The following LMO3 variants were observed in gnomAD, a reference collection of about 807,000 sequenced individuals.
The protein encoded by LMO3 is LIM domain only 3, also known as LIM domain only protein 3.
A neutral mutation model predicts 15.8 loss-of-function variants in LMO3; 2 were observed. That is an observed-to-expected ratio of 0.13 (90% CI 0.05 to 0.40). LMO3 has a LOEUF of 0.40. LMO3 is among the 10% of genes least tolerant of loss of function. LMO3 has a pLI of 0.99. For missense variants in LMO3, 86 were observed against 182.2 expected (o/e 0.47, Z 3.04); for synonymous variants, 62 against 63.8 (o/e 0.97, Z 0.13).
At position 16,599,684 on chromosome 12, in the gene LMO3, A is replaced by G. The variant is rs1188128758; in HGVS notation, c.206+971T>C. ...TAATTTGATAGATCCTACTTTATTA[A>G]TATAAGTAATTTGCAGCTGAAGTAA... On this transcript the variant is annotated intron_variant, in intron 2 of 3. Coordinates refer to ENST00000537304, the MANE Select transcript of LMO3 (RefSeq NM_018640.5). The surrounding 1 kb of genome is among the most constrained non-coding windows in gnomAD (Gnocchi z 4.1). 1 of 152,226 alleles carries G rather than the reference A, an allele frequency of 6.6e-6. No homozygotes were observed. The highest frequency in any genetic ancestry group is 6.5e-5 in the Admixed American group (1 of 15,282). The allele number at this position is 152,226 out of a possible 1,614,324, so 9.4% of individuals were successfully genotyped here.
At chr12:16,572,707 A>G (rs949335170) in intron 2 of LMO3, among the ~76,000 whole-genome samples, 11 of 148,044 alleles carry the variant, frequency 7.4e-5, no homozygotes, top group Non-Finnish European at 1.2e-4. Flanking sequence ...TATATTATAT[A>G]TAATTTAAAT....
intron 2 of LMO3, among the ~76,000 whole-genome samples, chr12:16,565,418 A>G (rs959584577): frequency 6.6e-6 from 1 of 152,192 alleles, no homozygotes; most frequent in African/African-American, 2.4e-5. Context: ...TAAACATTCA[A>G]TTCTTTTGTT....
At chr12:16,605,921 G>A (rs1943980932) in intron 1 of LMO3, 145 bp downstream of exon 1, 4 of 1,236,664 alleles carry the variant, frequency 3.2e-6, no homozygotes, top group South Asian at 2.6e-5. Flanking sequence ...GTTGCAGTGC[G>A]GAGCTGGGTT....
rs1007242994 is a variant in LMO3 at position 16,597,679 on chromosome 12, T to G, written c.206+2976A>C. On this transcript the variant is annotated intron_variant, in intron 2 of 3. Transcript: ENST00000537304. This position sits in a 1 kb window ranked among gnomAD's most constrained non-coding sequence, Gnocchi z 5.0. ...TTATTCTTACTTATGTTCTTAATAA[T>G]TTAGACATGAAATATAAATATGTAA... 2 of 151,942 alleles carry G rather than the reference T, an allele frequency of 1.3e-5. No homozygotes were observed. Among genetic ancestry groups the G allele is most frequent in the Non-Finnish European group, 2.9e-5 (2 of 67,842 alleles). 9.4% of individuals were successfully genotyped at this position (151,942 alleles called of 1,614,324 possible).
chr12:16,582,744 G>A lies in LMO3; in HGVS notation c.206+17911C>T, dbSNP rs770729533. Among the ~76,000 whole-genome samples the A allele has an allele frequency of 6.6e-6, 1 of 152,062 alleles. No individual in the cohort carries two copies. The highest frequency in any genetic ancestry group is 6.6e-5 in the Admixed American group (1 of 15,256). On this transcript the variant is annotated intron_variant, in intron 2 of 3. Coordinates refer to ENST00000537304, the MANE Select transcript of LMO3 (RefSeq NM_018640.5). The surrounding 1 kb of genome is among the most constrained non-coding windows in gnomAD (Gnocchi z 4.1). ...TTTAAGTATCTGATTGGGATGAGAC[G>A]CCCAGAAAAGAATCAGAACTAGGCC... is the stretch of plus-strand genomic sequence containing the variant.
intron 3 of LMO3, among the ~76,000 whole-genome samples, chr12:16,557,105 T>C (rs900860162): frequency 3.9e-5 from 6 of 152,192 alleles, no homozygotes; most frequent in East Asian, 1.9e-4. Flanking sequence ...AAAATAGATA[T>C]ATGATTTGTA....
At position 16,559,949 on chromosome 12, in the gene LMO3, G is replaced by T. The variant is rs1234035209; in HGVS notation, c.332+464C>A. ...CGCTCTAGGCTGGGTGACAGAACCA[G>T]ACCTTGTATTTAAAAAAGCAAAAAC... is the stretch of plus-strand genomic sequence containing the variant. On this transcript the variant is annotated intron_variant, in intron 3 of 3. Transcript: ENST00000537304. This position sits in a 1 kb window ranked among gnomAD's most constrained non-coding sequence, Gnocchi z 4.1. Among the ~76,000 whole-genome samples the T allele has an allele frequency of 1.3e-5, 2 of 151,954 alleles. No homozygotes were observed. The highest frequency in any genetic ancestry group is 6.6e-5 in the Admixed American group (1 of 15,250).
chr12:16,579,250 A>G (rs925238029), intron 2 of LMO3, among the ~76,000 whole-genome samples: 3 of 152,202 alleles, frequency 2.0e-5, no homozygotes, highest in Non-Finnish European at 4.4e-5. Context: ...CTGTTTTCCA[A>G]TAGAATTAGG....
intron 2 of LMO3, among the ~76,000 whole-genome samples, chr12:16,595,674 T>C (rs1345486151): frequency 6.6e-6 from 1 of 151,478 alleles, no homozygotes; most frequent in East Asian, 1.9e-4. Context: ...AACAGTATTT[T>C]TGTAACAGAT....
chr12:16,605,299 A>T, intron 1 of LMO3: 1 of 1,175,124 alleles, frequency 8.5e-7, no homozygotes, highest in Admixed American at 4.3e-5. Context: ...CATAAATCTG[A>T]CTTGTATTTC....
In LMO3 at chr12:16,603,002, A is replaced by C. The variant is rs1943873235; in HGVS notation, c.-8-2134T>G. 1.3e-5 allele frequency among the ~76,000 whole-genome samples: 2 copies of C among 152,050 alleles called. 1 individual carries two copies. Among genetic ancestry groups the C allele is most frequent in the South Asian group, 4.2e-4 (2 of 4,810 alleles). ...CAAAGATGAAAAATCGAAAAAAAAA[A>C]AAATCCCAGTAGCAGCTAAGTTATA... On this transcript the variant is annotated intron_variant, in intron 1 of 3. Transcript: ENST00000537304. This position sits in a 1 kb window ranked among gnomAD's most constrained non-coding sequence, Gnocchi z 4.9.
Position 16,566,996 on chromosome 12 carries a change from A to G in LMO3, c.207-6458T>C, listed in dbSNP as rs1382848091. Among the ~76,000 whole-genome samples, 7 of 152,192 alleles carry G rather than the reference A, an allele frequency of 4.6e-5. No homozygotes were observed. The South Asian group carries it at 1.2e-3, about 27-fold the overall frequency. ...TGGCACTTGAGGTCAGGAGTTCGGG[A>G]CCAGCCTGGCCAATATGGCAAAACC... On this transcript the variant is annotated intron_variant, in intron 2 of 3. Coordinates refer to ENST00000537304, the MANE Select transcript of LMO3 (RefSeq NM_018640.5).
In LMO3 at chr12:16,604,273, A is replaced by G. The variant is rs750065557; in HGVS notation, c.-9+1793T>C. Among the ~76,000 whole-genome samples, 48 of 152,082 alleles carry G rather than the reference A, an allele frequency of 3.2e-4. No homozygotes were observed. The highest frequency in any genetic ancestry group is 2.4e-4 in the Non-Finnish European group (16 of 68,008). On this transcript the variant is annotated intron_variant, in intron 1 of 3. Transcript: ENST00000537304. The surrounding 1 kb of genome is among the most constrained non-coding windows in gnomAD (Gnocchi z 5.3). ...AGCCCCCTAAGGGACAACAATGCAAATAGATGTCCCCAGATCTCAGGCACT... is the reference window on the plus strand; with the variant it reads ...AGCCCCCTAAGGGACAACAATGCAAGTAGATGTCCCCAGATCTCAGGCACT...
intron 1 of LMO3, chr12:16,605,314 C>T (rs1455057724): frequency 4.3e-6 from 5 of 1,165,762 alleles, no homozygotes; most frequent in Non-Finnish European, 5.3e-6. Flanking sequence ...TATTTCATAA[C>T]AGCAATCTGA....
intron 1 of LMO3, chr12:16,601,717 C>T (rs946765943): frequency 1.3e-5 from 2 of 151,848 alleles, no homozygotes; most frequent in African/African-American, 4.8e-5. Flanking sequence ...TAAATATATA[C>T]ATGTTATATG....
In LMO3 at chr12:16,591,235, A is replaced by G. The variant is rs189987219; in HGVS notation, c.206+9420T>C. On this transcript the variant is annotated intron_variant, in intron 2 of 3. Coordinates refer to ENST00000537304, the MANE Select transcript of LMO3 (RefSeq NM_018640.5). This position sits in a 1 kb window ranked among gnomAD's most constrained non-coding sequence, Gnocchi z 4.1. The stretch of plus-strand genomic sequence containing the variant: ...CTAGTATCTGTGATGTCCTTCAAAC[A>G]TATGAGAAAAACTCCCACCTCAGGG... 1.9e-4 allele frequency among the ~76,000 whole-genome samples: 29 copies of G among 152,034 alleles called. No individual in the cohort carries two copies. The East Asian group carries it at 3.9e-3, about 20-fold the overall frequency.
intron 2 of LMO3, among the ~76,000 whole-genome samples, chr12:16,571,379 T>C (rs1429559050): frequency 6.6e-6 from 1 of 152,136 alleles, no homozygotes; most frequent in East Asian, 1.9e-4. Context: ...AAAGCAAATT[T>C]AATATCCAAC....
Position 16,587,757 on chromosome 12 carries a change from G to T in LMO3, c.206+12898C>A, listed in dbSNP as rs905340732. On this transcript the variant is annotated intron_variant, in intron 2 of 3. Transcript: ENST00000537304. This position sits in a 1 kb window ranked among gnomAD's most constrained non-coding sequence, Gnocchi z 4.3. ...CAGTAAACACTGCCTTTGGTACACA[G>T]GGTTCTCTTAGCATTTATCTGTCTA... 2.0e-5 allele frequency among the ~76,000 whole-genome samples: 3 copies of T among 151,552 alleles called. No individual in the cohort carries two copies. The highest frequency in any genetic ancestry group is 4.4e-5 in the Non-Finnish European group (3 of 67,718).
chr12:16,570,763 G>T (rs1942787579), intron 2 of LMO3, among the ~76,000 whole-genome samples: 2 of 152,154 alleles, frequency 1.3e-5, no homozygotes, highest in Admixed American at 6.6e-5. Context: ...TTGTGATTTA[G>T]TGACAACAGT....
Sources: gnomAD v4.1 joint callset for allele counts (sites outside exome capture counted in the v4.1 genomes callset) on GRCh38, gnomAD v4.1.1 for gene constraint, Gnocchi (gnomAD v3.1) non-coding constraint, MANE v1.5 for transcripts, NCBI Gene and HGNC (gene_info 2026-07-23, HGNC 2026-07-21) for gene names.